The following MPC1 variants were observed in gnomAD, a reference collection of about 807,000 sequenced individuals.
The protein encoded by MPC1 is mitochondrial pyruvate carrier 1, also known as HSPC040 protein.
MPC1 carries 6 observed loss-of-function variants against 13.9 expected under a neutral mutation model. The observed-to-expected ratio is 0.43, with a 90% confidence interval of 0.24 to 0.85. MPC1 has a LOEUF of 0.85. MPC1 is among the 40% of genes least tolerant of loss of function. MPC1 has a pLI of 0.24. For missense variants in MPC1, 115 were observed against 143.3 expected, an observed-to-expected ratio of 0.80 and a Z score of 1.01; for synonymous variants, 47 against 50.5, an observed-to-expected ratio of 0.93 and a Z score of 0.29.
chr6:166,381,084 T>C (rs1213724218), intron 1 of MPC1, among the ~76,000 whole-genome samples: 1 of 152,098 alleles, frequency 6.6e-6, no homozygotes, highest in Non-Finnish European at 1.5e-5. Flanking sequence ...AGGCTCAGTA[T>C]CCAACACATT....
intron 1 of MPC1, among the ~76,000 whole-genome samples, chr6:166,373,388 C>A (rs757249318): frequency 5.3e-5 from 8 of 152,216 alleles, no homozygotes; most frequent in Admixed American, 5.2e-4. Flanking sequence ...AGTATGCAGC[C>A]TTTTCAGACT....
intron 1 of MPC1, among the ~76,000 whole-genome samples, chr6:166,380,939 C>CAAAAAAAAAAAAAAAAAAA (rs1175434820): frequency 4.2e-5 from 2 of 47,728 alleles, no homozygotes; most frequent in Non-Finnish European, 9.1e-5. Flanking sequence ...AACTCTGTCT[C>CAAAAAAAAAAAAAAAAAAA]AAAAAAAAAA....
At chr6:166,380,776 T>C (rs1358378910) in intron 1 of MPC1, among the ~76,000 whole-genome samples, 1 of 151,614 alleles carries the variant, frequency 6.6e-6, no homozygotes, top group Admixed American at 6.6e-5. Flanking sequence ...CCCGTCTCTA[T>C]TAAAAATACA....
intron 1 of MPC1, among the ~76,000 whole-genome samples, chr6:166,377,904 C>T (rs1339703873): frequency 6.6e-6 from 1 of 152,136 alleles, no homozygotes; most frequent in Non-Finnish European, 1.5e-5. Context: ...AGTCCAAGGA[C>T]CGGGTGTGAA....
At chr6:166,379,766 T>C (rs1029595496) in intron 1 of MPC1, among the ~76,000 whole-genome samples, 1 of 152,242 alleles carries the variant, frequency 6.6e-6, no homozygotes, top group Non-Finnish European at 1.5e-5. Context: ...TGGAACCTTG[T>C]TTCTGATTAG....
At chr6:166,379,202 C>T (rs936243875) in intron 1 of MPC1, among the ~76,000 whole-genome samples, 2 of 152,054 alleles carry the variant, frequency 1.3e-5, no homozygotes, top group African/African-American at 4.8e-5. Context: ...ATTTAAAATA[C>T]ATGTGGATGG....
intron 1 of MPC1, among the ~76,000 whole-genome samples, chr6:166,376,091 A>G (rs753659220): frequency 7.9e-5 from 12 of 152,198 alleles, no homozygotes; most frequent in South Asian, 2.1e-4. Context: ...TGTTACCTGT[A>G]TTAAGGCTCT....
intron 1 of MPC1, chr6:166,370,484 T>C (rs1170073292): frequency 1.9e-5 from 8 of 423,200 alleles, no homozygotes; most frequent in African/African-American, 4.1e-5. Flanking sequence ...AGCAGAACTG[T>C]CCAATAGAAA....
intron 1 of MPC1, among the ~76,000 whole-genome samples, 183 bp downstream of exon 1, chr6:166,382,623 G>A (rs1172049770): frequency 6.6e-6 from 1 of 152,202 alleles, no homozygotes; most frequent in East Asian, 1.9e-4. Flanking sequence ...GCTTCGGGGT[G>A]TGGCGGTCCG....
intron 1 of MPC1, among the ~76,000 whole-genome samples, chr6:166,375,367 G>A (rs1020196128): frequency 6.6e-6 from 1 of 151,698 alleles, no homozygotes; most frequent in Admixed American, 6.6e-5. Flanking sequence ...ACAAGTAACC[G>A]AAACTGCAGA....
At chr6:166,380,267 T>C (rs1779720233) in intron 1 of MPC1, among the ~76,000 whole-genome samples, 1 of 152,232 alleles carries the variant, frequency 6.6e-6, no homozygotes, top group African/African-American at 2.4e-5. Flanking sequence ...ATTTTCTTGA[T>C]AACCCAAAAA....
At chr6:166,367,925 A>G (rs1779222826) in intron 2 of MPC1, among the ~76,000 whole-genome samples, 1 of 152,258 alleles carries the variant, frequency 6.6e-6, no homozygotes, top group South Asian at 2.1e-4. Context: ...AGAAAAATAA[A>G]TGGGAATTAG....
chr6:166,369,061 T>G (rs945466124), intron 2 of MPC1: 17 of 510,020 alleles, frequency 3.3e-5, no homozygotes, highest in Non-Finnish European at 4.3e-5. Context: ...GGAATAAATC[T>G]AAACCTAAAG....
chr6:166,376,646 A>T (rs567531140), intron 1 of MPC1, among the ~76,000 whole-genome samples: 27 of 152,354 alleles, frequency 1.8e-4, no homozygotes, highest in African/African-American at 5.8e-4. Flanking sequence ...TTAACCCAGT[A>T]AAGTTGACAC....
intron 1 of MPC1, among the ~76,000 whole-genome samples, chr6:166,381,603 CCTA>C (rs1260897653): frequency 6.6e-6 from 1 of 152,096 alleles, no homozygotes; most frequent in Non-Finnish European, 1.5e-5. Flanking sequence ...TCCTAAATAA[CCTA>C]AAACTGCTTC....
chr6:166,369,965 T>G (rs750784541), intron 2 of MPC1: 2 of 652,168 alleles, frequency 3.1e-6, no homozygotes, highest in South Asian at 3.1e-5. Flanking sequence ...CCACTGTGAC[T>G]GTTATCAATG....
At chr6:166,380,912 C>T (rs1192868559) in intron 1 of MPC1, among the ~76,000 whole-genome samples, 5 of 141,954 alleles carry the variant, frequency 3.5e-5, no homozygotes, top group African/African-American at 7.9e-5. Flanking sequence ...GCACTCCAGC[C>T]TGGGCAACAA....
At chr6:166,373,946 T>A (rs9366009) in intron 1 of MPC1, among the ~76,000 whole-genome samples, 4 of 151,964 alleles carry the variant, frequency 2.6e-5, no homozygotes, top group Non-Finnish European at 5.9e-5. Flanking sequence ...ATTTTTAATT[T>A]AGTTCCTTTC....
At chr6:166,380,913 T>A (rs1977055) in intron 1 of MPC1, among the ~76,000 whole-genome samples, 1 of 141,876 alleles carries the variant, frequency 7.0e-6, no homozygotes, top group East Asian at 2.0e-4. Flanking sequence ...CACTCCAGCC[T>A]GGGCAACAAG....
Sources: gnomAD v4.1 joint callset for allele counts (sites outside exome capture counted in the v4.1 genomes callset) on GRCh38, gnomAD v4.1.1 for gene constraint, MANE v1.5 for transcripts, NCBI Gene and HGNC (gene_info 2026-07-23, HGNC 2026-07-21) for gene names.